TBC1D32: variants seen among roughly 807,000 people sequenced by gnomAD.
TBC1D32 encodes TBC1 domain family member 32.
Under a neutral mutation model 170.3 loss-of-function variants are expected in TBC1D32, and 151 were observed. That is an observed-to-expected ratio of 0.89 (90% CI 0.78 to 1.01). The LOEUF (loss-of-function observed/expected upper bound fraction) is 1.01, where lower values mean the gene tolerates loss of function less well. Ranked by LOEUF, TBC1D32 falls within the 50% of genes least tolerant of loss-of-function variation. The pLI is 0.00. For synonymous variants in TBC1D32, 498 were observed against 488.0 expected, an observed-to-expected ratio of 1.02 and a Z score of -0.27; for missense variants, 1,464 against 1,457.1, an observed-to-expected ratio of 1.00 and a Z score of -0.08.
intron 26 of TBC1D32, among the ~76,000 whole-genome samples, chr6:121,121,621 TAA>T (rs1022895083): frequency 2.0e-5 from 3 of 152,018 alleles, no homozygotes; most frequent in Non-Finnish European, 4.4e-5. Flanking sequence ...GTGAATCAAG[TAA>T]AGTTTCTGCT....
At chr6:121,258,353 A>C (rs1799311006) in intron 15 of TBC1D32, among the ~76,000 whole-genome samples, 1 of 152,098 alleles carries the variant, frequency 6.6e-6, no homozygotes, top group Admixed American at 6.5e-5. Context: ...CTCTGCATGA[A>C]TATGTCACTA....
chr6:121,100,515 A>C (rs1229112483), intron 30 of TBC1D32, among the ~76,000 whole-genome samples: 2 of 152,000 alleles, frequency 1.3e-5, no homozygotes, highest in Non-Finnish European at 2.9e-5. Flanking sequence ...CCTTTCAGAA[A>C]TAAAGATGTT....
chr6:121,183,614 C>A (rs1788812736), intron 22 of TBC1D32, among the ~76,000 whole-genome samples: 1 of 152,084 alleles, frequency 6.6e-6, no homozygotes, highest in Non-Finnish European at 1.5e-5. Context: ...TGATCTTACA[C>A]AAATAATTTT....
At chr6:121,295,615 T>G (rs1242944230) in intron 10 of TBC1D32, among the ~76,000 whole-genome samples, 1 of 151,204 alleles carries the variant, frequency 6.6e-6, no homozygotes, top group Non-Finnish European at 1.5e-5. Flanking sequence ...AGAGTTTGAC[T>G]ATATAGGAGA....
intron 31 of TBC1D32, among the ~76,000 whole-genome samples, chr6:121,085,220 C>T (rs1043306644): frequency 6.6e-5 from 9 of 137,004 alleles, no homozygotes; most frequent in Admixed American, 2.5e-4. Flanking sequence ...CATATATATA[C>T]ACATATATAT....
intron 21 of TBC1D32, among the ~76,000 whole-genome samples, chr6:121,221,033 T>G (rs1230470334): frequency 6.6e-6 from 1 of 152,068 alleles, no homozygotes; most frequent in Non-Finnish European, 1.5e-5. Flanking sequence ...AGTGCCTGGA[T>G]CCAAAGCATC....
Position 121,210,108 on chromosome 6 carries a change from G to A in TBC1D32, c.2482-4945C>T, listed in dbSNP as rs540772959. 9.9e-5 allele frequency among the ~76,000 whole-genome samples: 15 copies of A among 152,138 alleles called. 1 individual carries two copies. Among genetic ancestry groups the A allele is most frequent in the African/African-American group, 3.4e-4 (14 of 41,512 alleles). ...TACAACTTGAGAGTTGTTCACAGGCGTTAGAATTTTGGTAGATACCTGACA... is the reference window on the plus strand; with the variant it reads ...TACAACTTGAGAGTTGTTCACAGGCATTAGAATTTTGGTAGATACCTGACA... On this transcript the variant is annotated intron_variant, in intron 21 of 31. Transcript: ENST00000398212.
intron 22 of TBC1D32, among the ~76,000 whole-genome samples, chr6:121,184,390 A>G (rs1788913215): frequency 6.6e-6 from 1 of 151,980 alleles, no homozygotes; most frequent in African/African-American, 2.4e-5. Flanking sequence ...GAGTTCTAGT[A>G]GCCTAGAATC....
At chr6:121,242,148 G>C (rs1797066129) in intron 18 of TBC1D32, 53 bp downstream of exon 18, 2 of 1,566,436 alleles carry the variant, frequency 1.3e-6, no homozygotes, top group Non-Finnish European at 1.7e-6. Context: ...TGTTCTTAAT[G>C]GCTTTTAAAA....
At chr6:121,092,826 T>C (rs950182685) in intron 30 of TBC1D32, among the ~76,000 whole-genome samples, 16 of 152,190 alleles carry the variant, frequency 1.1e-4, no homozygotes, top group Non-Finnish European at 1.8e-4. Context: ...CCTATTCAAA[T>C]ATAGTCACAT....
In TBC1D32 at chr6:121,270,364, G is replaced by T. The variant is rs541383184; in HGVS notation, c.1733+8757C>A. Among the ~76,000 whole-genome samples, 3 of 152,064 alleles carry T rather than the reference G, an allele frequency of 2.0e-5. No homozygotes were observed. In the South Asian group the frequency reaches 6.2e-4, roughly 32 times the overall value. ...AAAAGATCAACAAAATTGATAAACT[G>T]ATAGCCAGACTAAAAGAAAAGAGAG... On this transcript the variant is annotated intron_variant, in intron 15 of 31. Transcript: ENST00000398212.
rs528709928 is a variant in TBC1D32, at chr6:121,254,045, A to G, written c.2018+1283T>C. 2.6e-5 allele frequency among the ~76,000 whole-genome samples: 4 copies of G among 151,948 alleles called. No homozygotes were observed. The South Asian group carries it at 8.3e-4, about 32-fold the overall frequency. The stretch of plus-strand genomic sequence containing the variant: ...ATGTGGTACATATATGCCATGGAAT[A>G]CTACTCAGTCATAAAAAAAAAAGGA... On this transcript the variant is annotated intron_variant, in intron 17 of 31. Coordinates refer to ENST00000398212, the MANE Select transcript of TBC1D32 (RefSeq NM_152730.6).
intron 15 of TBC1D32, among the ~76,000 whole-genome samples, chr6:121,259,615 G>A (rs1799505235): frequency 1.3e-5 from 2 of 152,078 alleles, no homozygotes; most frequent in African/African-American, 4.8e-5. Context: ...CAAGGAGAAT[G>A]GAAAGGATGT....
chr6:121,298,848 C>A (rs1240200855), intron 10 of TBC1D32, among the ~76,000 whole-genome samples: 1 of 152,070 alleles, frequency 6.6e-6, no homozygotes, highest in Non-Finnish European at 1.5e-5. Context: ...AAAGCTATAT[C>A]AGTATAACAT....
chr6:121,202,338 C>T (rs1328602075), intron 22 of TBC1D32, among the ~76,000 whole-genome samples: 1 of 134,434 alleles, frequency 7.4e-6, no homozygotes, highest in Non-Finnish European at 1.6e-5. Context: ...GTGTGATACA[C>T]AGAAATGAAG....
intron 30 of TBC1D32, among the ~76,000 whole-genome samples, chr6:121,101,503 T>C (rs1014680920): frequency 1.3e-5 from 2 of 152,110 alleles, no homozygotes; most frequent in African/African-American, 2.4e-5. Flanking sequence ...GTTACCTCAA[T>C]AGATGCAGAA....
intron 30 of TBC1D32, among the ~76,000 whole-genome samples, chr6:121,098,563 G>A (rs182211325): frequency 2.0e-5 from 3 of 152,020 alleles, no homozygotes; most frequent in South Asian, 2.1e-4. Flanking sequence ...CATGAAAAAC[G>A]TAAGACTATT....
intron 1 of TBC1D32, among the ~76,000 whole-genome samples, chr6:121,329,203 C>CA (rs569066712): frequency 3.6e-4 from 55 of 150,932 alleles, no homozygotes; most frequent in Non-Finnish European, 7.1e-4. Context: ...CTATATTTCC[C>CA]AAAAAAATGC....
At chr6:121,179,303 T>G (rs1267432628) in intron 22 of TBC1D32, among the ~76,000 whole-genome samples, 1 of 150,772 alleles carries the variant, frequency 6.6e-6, no homozygotes, top group African/African-American at 2.4e-5. Flanking sequence ...AGTTTGTGTG[T>G]GTGTGTGTGT....
Sources: allele counts gnomAD v4.1 joint callset (sites outside exome capture counted in the v4.1 genomes callset), GRCh38; gene constraint gnomAD v4.1.1; transcripts MANE v1.5; gene names NCBI Gene and HGNC (gene_info 2026-07-23, HGNC 2026-07-21).